Variants in CACNB2 observed in about 807,000 individuals in gnomAD.
CACNB2 encodes calcium voltage-gated channel auxiliary subunit beta 2.
Under a neutral mutation model 73.3 loss-of-function variants are expected in CACNB2, and 42 were observed. That is an observed-to-expected ratio of 0.57 (90% CI 0.45 to 0.74). The LOEUF (loss-of-function observed/expected upper bound fraction) is 0.74, where lower values mean the gene tolerates loss of function less well. CACNB2 is among the 30% of genes least tolerant of loss of function. CACNB2 has a pLI of 0.00. For missense variants in CACNB2, 940 were observed against 853.0 expected (o/e 1.10, Z -1.27); for synonymous variants, 348 against 310.3 (o/e 1.12, Z -1.28).
At chr10:18,330,929 T>C (rs1038716135) in intron 2 of CACNB2, among the ~76,000 whole-genome samples, 30 of 151,496 alleles carry the variant, frequency 2.0e-4, no homozygotes, top group African/African-American at 7.0e-4. Context: ...GGCCTCCCAA[T>C]GTGCTGGGAT....
chr10:18,157,366 CT>C (rs2032135285), intron 2 of CACNB2, among the ~76,000 whole-genome samples: 1 of 152,152 alleles, frequency 6.6e-6, no homozygotes, highest in Admixed American at 6.5e-5. Context: ...TGTACAGCAG[CT>C]TTTTCCTCTG....
At chr10:18,244,072 A>G (rs2036768851) in intron 2 of CACNB2, among the ~76,000 whole-genome samples, 2 of 152,194 alleles carry the variant, frequency 1.3e-5, no homozygotes, top group Admixed American at 1.3e-4. Flanking sequence ...TGTGGCAAGG[A>G]AGATGTTGCT....
At chr10:18,509,522 C>T (rs749298271) in intron 6 of CACNB2, among the ~76,000 whole-genome samples, 6 of 152,132 alleles carry the variant, frequency 3.9e-5, no homozygotes, top group Non-Finnish European at 8.8e-5. Context: ...AAATTGTTCT[C>T]GGTGCCATGG....
intron 2 of CACNB2, among the ~76,000 whole-genome samples, chr10:18,219,008 T>A (rs979088750): frequency 2.0e-5 from 3 of 151,924 alleles, no homozygotes; most frequent in Admixed American, 1.3e-4. Flanking sequence ...TACAAAAAAA[T>A]TTAAAAATTA....
At chr10:18,392,891 A>C (rs908247112) in intron 2 of CACNB2, among the ~76,000 whole-genome samples, 1 of 152,128 alleles carries the variant, frequency 6.6e-6, no homozygotes, top group African/African-American at 2.4e-5. Context: ...GTTTGTATAT[A>C]AAAAATTATA....
chr10:18,383,955 C>A (rs141588346), intron 2 of CACNB2, among the ~76,000 whole-genome samples: 3,049 of 152,270 alleles, frequency 0.02, 65 homozygotes, highest in Non-Finnish European at 0.024. Context: ...ATCTGCCCAC[C>A]TCGGCCTCCC....
intron 3 of CACNB2, among the ~76,000 whole-genome samples, chr10:18,452,766 A>G (rs1221896074): frequency 1.3e-5 from 2 of 152,102 alleles, no homozygotes; most frequent in African/African-American, 4.8e-5. Context: ...ATTTTTGTTC[A>G]CCAAAAAAGG....
intron 2 of CACNB2, among the ~76,000 whole-genome samples, chr10:18,310,701 T>C: frequency 6.9e-6 from 1 of 144,488 alleles, no homozygotes; most frequent in East Asian, 2.1e-4. Flanking sequence ...TGCCTCAGCC[T>C]CCCTAGTAGC....
At chr10:18,284,390 G>A (rs2038696263) in intron 2 of CACNB2, among the ~76,000 whole-genome samples, 2 of 152,132 alleles carry the variant, frequency 1.3e-5, no homozygotes, top group Admixed American at 1.3e-4. Context: ...ATTTGGATGG[G>A]GACACAGCTA....
intron 3 of CACNB2, among the ~76,000 whole-genome samples, chr10:18,434,150 A>T (rs543367996): frequency 1.1e-4 from 17 of 152,288 alleles, no homozygotes; most frequent in African/African-American, 2.9e-4. Flanking sequence ...ATGATCTTCT[A>T]ATTCGTTATA....
At chr10:18,477,974 G>C (rs2048525106) in intron 3 of CACNB2, among the ~76,000 whole-genome samples, 1 of 152,072 alleles carries the variant, frequency 6.6e-6, no homozygotes, top group Non-Finnish European at 1.5e-5. Context: ...CACTCTTGTT[G>C]CCCAGGCTGG....
At chr10:18,315,516 A>AAAAC (rs2040140835) in intron 2 of CACNB2, among the ~76,000 whole-genome samples, 1 of 131,856 alleles carries the variant, frequency 7.6e-6, no homozygotes, top group Non-Finnish European at 1.6e-5. Flanking sequence ...AAAAAAAAAA[A>AAAAC]AAAAAAAAAA....
At chr10:18,284,062 A>C (rs2038680121) in intron 2 of CACNB2, among the ~76,000 whole-genome samples, 1 of 151,828 alleles carries the variant, frequency 6.6e-6, no homozygotes. Flanking sequence ...TTAAAACCTT[A>C]AAAAAAATAA....
chr10:18,390,012 T>G (rs944889542), intron 2 of CACNB2, among the ~76,000 whole-genome samples: 4 of 152,212 alleles, frequency 2.6e-5, no homozygotes, highest in Non-Finnish European at 5.9e-5. Context: ...AGTAAAATAT[T>G]TAAGGACTGA....
chr10:18,157,052 A>G (rs2131069298), intron 2 of CACNB2, among the ~76,000 whole-genome samples: 1 of 144,778 alleles, frequency 6.9e-6, no homozygotes, highest in East Asian at 2.0e-4. Context: ...ACAAGAACGA[A>G]ACTTTGTCTC....
chr10:18,490,263 C>T (rs2049332965), intron 3 of CACNB2, among the ~76,000 whole-genome samples: 2 of 152,184 alleles, frequency 1.3e-5, no homozygotes, highest in South Asian at 4.1e-4. Flanking sequence ...ATCTGTTCGG[C>T]TTTAGTCCAC....
rs7091507 is a variant in CACNB2 at position 18,437,543 on chromosome 10, A to C, written c.333+35500A>C. Among the ~76,000 whole-genome samples, 1,149 of 152,348 alleles carry C rather than the reference A, an allele frequency of 7.5e-3. 12 individuals carry two copies. Among genetic ancestry groups the C allele is most frequent in the African/African-American group, 0.027 (1,105 of 41,574 alleles). On this transcript the variant is annotated intron_variant, in intron 3 of 13. Transcript: ENST00000324631. Reference sequence around the variant, plus strand: ...AGATCACAAAGGTCCTTTTGTTGCCAGGCTGGAAAATGGCAGGCATCATTC... The same window carrying C: ...AGATCACAAAGGTCCTTTTGTTGCCCGGCTGGAAAATGGCAGGCATCATTC...
intron 2 of CACNB2, among the ~76,000 whole-genome samples, chr10:18,248,583 T>C (rs1325252904): frequency 6.6e-6 from 1 of 152,252 alleles, no homozygotes; most frequent in East Asian, 1.9e-4. Context: ...ATGTAGCTCA[T>C]AGCTAATTCA....
At chr10:18,282,767 T>C (rs1180784103) in intron 2 of CACNB2, among the ~76,000 whole-genome samples, 3 of 152,138 alleles carry the variant, frequency 2.0e-5, no homozygotes, top group Non-Finnish European at 4.4e-5. Context: ...TCCACACTGC[T>C]GATAAAGACA....
Sources: allele counts gnomAD v4.1 joint callset (sites outside exome capture counted in the v4.1 genomes callset), GRCh38; gene constraint gnomAD v4.1.1; transcripts MANE v1.5; gene names NCBI Gene and HGNC (gene_info 2026-07-23, HGNC 2026-07-21).